The following MGAT4C variants were observed in gnomAD, a reference collection of about 807,000 sequenced individuals.
MGAT4C encodes the protein alpha-1,3-mannosyl-glycoprotein 4-beta-N-acetylglucosaminyltransferase C.
MGAT4C carries 19 observed loss-of-function variants against 40.1 expected under a neutral mutation model. The observed-to-expected ratio is 0.47, with a 90% CI of 0.33 to 0.70. The LOEUF is 0.70. MGAT4C is among the 30% of genes least tolerant of loss of function. MGAT4C has a pLI of 0.02. For missense variants in MGAT4C, 491 were observed against 563.2 expected (o/e 0.87, Z 1.30); for synonymous variants, 181 against 187.1 (o/e 0.97, Z 0.27).
intron 1 of MGAT4C, among the ~76,000 whole-genome samples, chr12:86,081,653 C>T (rs915591004): frequency 1.3e-5 from 2 of 152,046 alleles, no homozygotes; most frequent in Admixed American, 6.6e-5. Context: ...AACTTAGTGA[C>T]AATTTTCCCT....
chr12:86,775,300 AC>A (rs1342968578), intron 1 of MGAT4C, among the ~76,000 whole-genome samples: 8 of 152,016 alleles, frequency 5.3e-5, no homozygotes, highest in African/African-American at 1.9e-4. Context: ...ATGTGGATGA[AC>A]ATAAGCACAT....
chr12:86,446,090 C>A (rs910489284), intron 2 of MGAT4C, among the ~76,000 whole-genome samples: 1 of 151,920 alleles, frequency 6.6e-6, no homozygotes, highest in Non-Finnish European at 1.5e-5. Context: ...TATATATGCA[C>A]ACATATAGCT....
chr12:86,695,054 C>T (rs11104037), intron 2 of MGAT4C, among the ~76,000 whole-genome samples: 5,270 of 152,226 alleles, frequency 0.035, 140 homozygotes, highest in Non-Finnish European at 0.048. Context: ...ATATAAGCAG[C>T]TCAAGCAACT....
chr12:86,445,167 A>C (rs1179898734), intron 2 of MGAT4C, among the ~76,000 whole-genome samples: 2 of 152,174 alleles, frequency 1.3e-5, no homozygotes, highest in African/African-American at 2.4e-5. Context: ...CACACTTTAA[A>C]TATGTGTAGC....
chr12:86,813,443 A>C (rs1309626822), intron 1 of MGAT4C, among the ~76,000 whole-genome samples: 1 of 143,354 alleles, frequency 7.0e-6, no homozygotes, highest in East Asian at 1.9e-4. Context: ...AAATTTTCTC[A>C]TAGTCTAGTG....
At chr12:86,113,743 T>C (rs1023250781) in intron 1 of MGAT4C, among the ~76,000 whole-genome samples, 1 of 151,922 alleles carries the variant, frequency 6.6e-6, no homozygotes, top group Non-Finnish European at 1.5e-5. Context: ...TTAAGATTCC[T>C]GCACTAGTTG....
intron 1 of MGAT4C, among the ~76,000 whole-genome samples, chr12:86,050,672 C>T (rs1375690549): frequency 6.6e-6 from 1 of 152,024 alleles, no homozygotes; most frequent in Non-Finnish European, 1.5e-5. Context: ...GCATTTCTCT[C>T]TCTACTTAAA....
At chr12:86,816,693 T>C (rs1012562976) in intron 1 of MGAT4C, among the ~76,000 whole-genome samples, 1 of 151,706 alleles carries the variant, frequency 6.6e-6, no homozygotes, top group Non-Finnish European at 1.5e-5. Context: ...TTTGTATTAG[T>C]GTGAATATTT....
chr12:86,637,502 A>C (rs1963256385), intron 2 of MGAT4C, among the ~76,000 whole-genome samples: 2 of 151,936 alleles, frequency 1.3e-5, no homozygotes, highest in South Asian at 2.1e-4. Context: ...CCAGATTTAT[A>C]AAGCTTCTCC....
At chr12:86,313,799 C>T (rs565253320) in intron 4 of MGAT4C, among the ~76,000 whole-genome samples, 128 of 152,052 alleles carry the variant, frequency 8.4e-4, no homozygotes, top group African/African-American at 1.4e-3. Flanking sequence ...TATTAAATAC[C>T]GAAAGCTTAT....
At chr12:86,678,320 A>G (rs1949905569) in intron 2 of MGAT4C, among the ~76,000 whole-genome samples, 1 of 152,046 alleles carries the variant, frequency 6.6e-6, no homozygotes, top group African/African-American at 2.4e-5. Flanking sequence ...GTGATGGCTC[A>G]GTAGGCCTTT....
At chr12:86,464,272 G>T (rs374971459) in intron 2 of MGAT4C, among the ~76,000 whole-genome samples, 1 of 152,226 alleles carries the variant, frequency 6.6e-6, no homozygotes, top group Non-Finnish European at 1.5e-5. Context: ...GCTAATCTAA[G>T]CAAGCTCTCT....
intron 2 of MGAT4C, among the ~76,000 whole-genome samples, chr12:86,033,248 C>T (rs1890921966): frequency 6.7e-6 from 1 of 149,498 alleles, no homozygotes; most frequent in African/African-American, 2.4e-5. Flanking sequence ...GCTATTCAAG[C>T]TCTTTTTTAT....
intron 1 of MGAT4C, among the ~76,000 whole-genome samples, chr12:86,151,691 A>T (rs1277145670): frequency 1.3e-5 from 2 of 152,236 alleles, no homozygotes; most frequent in East Asian, 3.8e-4. Flanking sequence ...CTTGTTACCT[A>T]ATTGTAATCT....
intron 2 of MGAT4C, among the ~76,000 whole-genome samples, chr12:86,560,223 A>G (rs1389313436): frequency 6.6e-6 from 1 of 152,126 alleles, no homozygotes; most frequent in Non-Finnish European, 1.5e-5. Flanking sequence ...GAGAGATAAC[A>G]TCAATTTTTT....
intron 1 of MGAT4C, among the ~76,000 whole-genome samples, chr12:86,818,091 A>C (rs1952638379): frequency 6.6e-6 from 1 of 151,438 alleles, no homozygotes; most frequent in African/African-American, 2.4e-5. Context: ...TTGACCAGAT[A>C]TTGCCACAAC....
chr12:86,530,107 C>T (rs139360540), intron 2 of MGAT4C, among the ~76,000 whole-genome samples: 37 of 151,812 alleles, frequency 2.4e-4, no homozygotes, highest in South Asian at 8.3e-4. Flanking sequence ...TGGATATGGA[C>T]GACTGAATGT....
In MGAT4C at chr12:86,657,100, C is replaced by A. The variant is rs962790818; in HGVS notation, c.-229+70109G>T. Among the ~76,000 whole-genome samples, 12 of 152,050 alleles carry A rather than the reference C, an allele frequency of 7.9e-5. No homozygotes were observed. In the East Asian group the frequency reaches 2.1e-3, roughly 27 times the overall value. On this transcript the variant is annotated intron_variant, in intron 2 of 7. Transcript: ENST00000548651. ...AAGTGAGAAGCAGAAAGTTAGAATT[C>A]ACTTGCCATATCTTCCATTATATTC...
rs933401664 is a variant in MGAT4C, at chr12:86,689,526, T to C, written c.-229+37683A>G. Reference sequence around the variant, plus strand: ...GGCGTCCTTTTTGTTGATGTTGATATTATTGCTTTCTGTTTGTTAGTTTTC... The same window carrying C: ...GGCGTCCTTTTTGTTGATGTTGATACTATTGCTTTCTGTTTGTTAGTTTTC... On this transcript the variant is annotated intron_variant, in intron 2 of 7. Coordinates refer to the MGAT4C transcript ENST00000548651. Among the ~76,000 whole-genome samples the C allele has an allele frequency of 7.3e-4, 111 of 152,188 alleles. 2 individuals carry two copies. Among genetic ancestry groups the C allele is most frequent in the East Asian group, 1.9e-4 (1 of 5,190 alleles).
Sources: gnomAD v4.1 joint callset for allele counts (sites outside exome capture counted in the v4.1 genomes callset) on GRCh38, gnomAD v4.1.1 for gene constraint, MANE v1.5 for transcripts, NCBI Gene and HGNC (gene_info 2026-07-23, HGNC 2026-07-21) for gene names.